Variants in PRKAR2A observed in about 807,000 individuals in gnomAD.
PRKAR2A encodes the protein protein kinase cAMP-dependent type II regulatory subunit alpha.
In PRKAR2A, 29 loss-of-function variants were observed where a neutral mutation model predicts 51.9. That is an observed-to-expected ratio of 0.56 (90% CI 0.42 to 0.76). PRKAR2A has a LOEUF of 0.76. PRKAR2A is among the 30% of genes least tolerant of loss of function. The pLI is 0.00. For missense variants in PRKAR2A, 445 were observed against 512.1 expected (o/e 0.87, Z 1.26); for synonymous variants, 178 against 186.2 (o/e 0.96, Z 0.36).
intron 1 of PRKAR2A, among the ~76,000 whole-genome samples, chr3:48,813,638 G>C (rs1041531302): frequency 1.3e-5 from 2 of 152,106 alleles, no homozygotes; most frequent in African/African-American, 2.4e-5. Flanking sequence ...AGGTTGCAGT[G>C]AGCCGAGATT....
intron 6 of PRKAR2A, among the ~76,000 whole-genome samples, chr3:48,765,622 T>G (rs546602143): frequency 3.1e-4 from 47 of 149,958 alleles, no homozygotes; most frequent in East Asian, 1.4e-3. Flanking sequence ...CCTAAACATT[T>G]ATGAGCTCAC....
chr3:48,843,280 G>A (rs888780915), intron 1 of PRKAR2A, among the ~76,000 whole-genome samples: 88 of 151,890 alleles, frequency 5.8e-4, no homozygotes, highest in Admixed American at 3.0e-3. Flanking sequence ...TTTTTATTGC[G>A]TCTATTTGAT....
At chr3:48,779,705 G>A (rs62261502) in intron 5 of PRKAR2A, among the ~76,000 whole-genome samples, 6,645 of 150,932 alleles carry the variant, frequency 0.044, 206 homozygotes, top group Non-Finnish European at 0.068. Flanking sequence ...GCTTGAACCC[G>A]GGAGGCGGAG....
intron 5 of PRKAR2A, among the ~76,000 whole-genome samples, chr3:48,782,254 G>C (rs1328272964): frequency 5.3e-5 from 8 of 152,096 alleles, no homozygotes; most frequent in Non-Finnish European, 7.4e-5. Context: ...CTAATACTTA[G>C]ATCTGAGCCA....
intron 2 of PRKAR2A, among the ~76,000 whole-genome samples, chr3:48,796,810 T>C (rs887281660): frequency 6.6e-6 from 1 of 151,976 alleles, no homozygotes; most frequent in Non-Finnish European, 1.5e-5. Flanking sequence ...ATGTATTTAA[T>C]TCTTGCTCAT....
Position 48,752,239 on chromosome 3 carries a change from C to G in PRKAR2A, c.1018G>C (p.Ala340Pro). ...GCTCTGGGTTTGTTGGTGACCAGGG[C>G]AAGCTCTCCAAAGTACTGCCCCTTA... ...CHKGQYFGEL[A>P]LVTNKPRAAS... Residue 340 changes from alanine to proline, a missense_variant, in exon 10 of 11, where the codon GCC becomes CCC. Ala to Pro is a conservative substitution (Grantham distance 27, BLOSUM62 -1). Transcript: ENST00000265563. 1 of 1,614,236 alleles carries G rather than the reference C, an allele frequency of 6.2e-7. No homozygotes were observed. Among genetic ancestry groups the G allele is most frequent in the Non-Finnish European group, 8.5e-7 (1 of 1,180,044 alleles).
At chr3:48,752,106 A>G in intron 10 of PRKAR2A, 70 bp downstream of exon 10, 1 of 1,536,902 alleles carries the variant, frequency 6.5e-7, no homozygotes, top group South Asian at 1.3e-5. Context: ...GAATATGTCA[A>G]GGCTTGCTGA....
intron 1 of PRKAR2A, among the ~76,000 whole-genome samples, chr3:48,815,538 T>C (rs552359892): frequency 6.6e-6 from 1 of 150,592 alleles, no homozygotes; most frequent in African/African-American, 2.4e-5. Context: ...CTACTAAAAA[T>C]ACAAGAAATT....
At chr3:48,773,979 C>T (rs1485701351) in intron 5 of PRKAR2A, among the ~76,000 whole-genome samples, 2 of 150,666 alleles carry the variant, frequency 1.3e-5, no homozygotes, top group African/African-American at 2.4e-5. Context: ...TGACCACAGA[C>T]GTGTGCCACC....
intron 2 of PRKAR2A, among the ~76,000 whole-genome samples, chr3:48,797,492 T>C (rs2082515295): frequency 6.6e-6 from 1 of 152,148 alleles, no homozygotes; most frequent in Non-Finnish European, 1.5e-5. Flanking sequence ...ACACCCCAGC[T>C]TCCCTTTCCT....
At chr3:48,804,747 G>A (rs2082647675) in intron 2 of PRKAR2A, among the ~76,000 whole-genome samples, 1 of 152,098 alleles carries the variant, frequency 6.6e-6, no homozygotes, top group African/African-American at 2.4e-5. Flanking sequence ...AAGTAGGGTG[G>A]ACAACTGGAG....
At chr3:48,809,010 A>T (rs2082727573) in intron 1 of PRKAR2A, among the ~76,000 whole-genome samples, 1 of 149,616 alleles carries the variant, frequency 6.7e-6, no homozygotes, top group Non-Finnish European at 1.5e-5. Context: ...TGAACTCCTG[A>T]CCTCAAGTGA....
At chr3:48,756,564 A>G in intron 8 of PRKAR2A, 120 bp from the exon 9 acceptor site, 3 of 730,110 alleles carry the variant, frequency 4.1e-6, no homozygotes, top group Middle Eastern at 2.7e-4. Flanking sequence ...CTGCAAATGA[A>G]TCAATAGTAA....
At chr3:48,808,796 C>A (rs563056356) in intron 1 of PRKAR2A, among the ~76,000 whole-genome samples, 8 of 122,910 alleles carry the variant, frequency 6.5e-5, no homozygotes, top group South Asian at 3.0e-4. Context: ...GGATTACAGG[C>A]GTGAGCCACC....
intron 2 of PRKAR2A, among the ~76,000 whole-genome samples, chr3:48,798,866 G>A (rs557435649): frequency 2.6e-5 from 4 of 151,956 alleles, no homozygotes; most frequent in South Asian, 2.1e-4. Flanking sequence ...TCATCATGTC[G>A]GCCAGGCTGG....
At chr3:48,846,561 A>G (rs567905894) in intron 1 of PRKAR2A, among the ~76,000 whole-genome samples, 38 of 152,298 alleles carry the variant, frequency 2.5e-4, no homozygotes, top group African/African-American at 8.4e-4. Flanking sequence ...TATTTTGCCC[A>G]GGCTGGTCTC....
At chr3:48,828,897 G>A (rs560323941) in intron 1 of PRKAR2A, among the ~76,000 whole-genome samples, 22 of 151,562 alleles carry the variant, frequency 1.5e-4, no homozygotes, top group Non-Finnish European at 2.9e-4. Flanking sequence ...GCAGTAGCGC[G>A]ATCTCAGCTC....
intron 1 of PRKAR2A, among the ~76,000 whole-genome samples, chr3:48,834,028 C>G (rs2083238778): frequency 6.7e-6 from 1 of 148,354 alleles, no homozygotes; most frequent in African/African-American, 2.5e-5. Flanking sequence ...AAGCAAGACT[C>G]CGTCTTAAAA....
chr3:48,802,925 TG>T lies in PRKAR2A; in HGVS notation c.298+4723del, dbSNP rs138909537. Among the ~76,000 whole-genome samples, 1,511 of 152,302 alleles carry T rather than the reference TG, an allele frequency of 9.9e-3. 8 individuals carry two copies. The highest frequency in any genetic ancestry group is 0.034 in the Middle Eastern group (10 of 294). On this transcript the variant is annotated intron_variant, in intron 2 of 10. Transcript: ENST00000265563. ...GCTAACAGCTAAAAGGATGAAGGGATGGGATCTCGCACAGGTGGATACCGTA... is the reference window on the plus strand; with the variant it reads ...GCTAACAGCTAAAAGGATGAAGGGATGGATCTCGCACAGGTGGATACCGTA...
Sources: allele counts gnomAD v4.1 joint callset (sites outside exome capture counted in the v4.1 genomes callset), GRCh38; gene constraint gnomAD v4.1.1; transcripts MANE v1.5; gene names NCBI Gene and HGNC (gene_info 2026-07-23, HGNC 2026-07-21).